The following ABHD2 variants were observed in gnomAD, a reference collection of about 807,000 sequenced individuals.
ABHD2 encodes monoacylglycerol lipase ABHD2.
Under a neutral mutation model 48.1 loss-of-function variants are expected in ABHD2, and 20 were observed. The observed-to-expected ratio is 0.42, with a 90% CI of 0.29 to 0.60. The LOEUF is 0.60. ABHD2 is among the 20% of genes least tolerant of loss of function. The pLI, the probability that ABHD2 is intolerant of heterozygous loss-of-function variation, is 0.24. For synonymous variants in ABHD2, 209 were observed against 214.2 expected (o/e 0.98, Z 0.21); for missense variants, 405 against 550.9 (o/e 0.74, Z 2.65).
intron 4 of ABHD2, among the ~76,000 whole-genome samples, chr15:89,154,493 T>C (rs953891844): frequency 6.8e-5 from 10 of 148,050 alleles, no homozygotes; most frequent in African/African-American, 2.4e-4. Context: ...AGTGAAAGTA[T>C]CTCTCTCTCT....
the ABHD2 span, among the ~76,000 whole-genome samples, chr15:89,066,828 T>C: frequency 6.6e-6 from 1 of 152,140 alleles, no homozygotes; most frequent in Non-Finnish European, 1.5e-5. Flanking sequence ...CAGTTCCCTT[T>C]GGTGTCTGCA....
Position 89,131,136 on chromosome 15 carries a change from T to C in ABHD2, c.194+14615T>C, listed in dbSNP as rs78370683. On this transcript the variant is annotated intron_variant, in intron 3 of 10. Coordinates refer to ENST00000352732, the MANE Select transcript of ABHD2 (RefSeq NM_152924.5). ...CCAAATTATCTTCCTAAAGCACAAA[T>C]TCATCATGCCATGCCCCTGCTTTAA... is the stretch of plus-strand genomic sequence containing the variant. 2.0e-3 allele frequency among the ~76,000 whole-genome samples: 303 copies of C among 152,300 alleles called. 2 individuals are homozygous for C. Among genetic ancestry groups the C allele is most frequent in the East Asian group, 0.015 (77 of 5,180 alleles).
chr15:89,178,514 C>G (rs1377897326), intron 6 of ABHD2, among the ~76,000 whole-genome samples: 1 of 152,158 alleles, frequency 6.6e-6, no homozygotes, highest in Non-Finnish European at 1.5e-5. Context: ...AGACCCGCTT[C>G]CTCAGTGAAC....
At chr15:89,109,222 C>A (rs2049835311) in intron 1 of ABHD2, among the ~76,000 whole-genome samples, 1 of 152,196 alleles carries the variant, frequency 6.6e-6, no homozygotes, top group South Asian at 2.1e-4. Context: ...GGTGGAAATA[C>A]CAGTCAAGCT....
At chr15:89,163,133 T>C (rs2050787548) in intron 5 of ABHD2, among the ~76,000 whole-genome samples, 1 of 152,228 alleles carries the variant, frequency 6.6e-6, no homozygotes, top group Non-Finnish European at 1.5e-5. Context: ...AGAAGAAAAC[T>C]AAAGAGGGCA....
In ABHD2 at chr15:89,160,201, A is replaced by G. The variant is rs116309642; in HGVS notation, c.538+4667A>G. On this transcript the variant is annotated intron_variant, in intron 5 of 10. Coordinates refer to ENST00000352732, the MANE Select transcript of ABHD2 (RefSeq NM_152924.5). ...TTCACCAAAGGTGGCCTAACACGTT[A>G]GAGCAAAGCCCGTGTTTGTTACTTT... 4.3e-3 allele frequency among the ~76,000 whole-genome samples: 662 copies of G among 152,364 alleles called. 5 individuals carry two copies. The highest frequency in any genetic ancestry group is 0.015 in the African/African-American group (624 of 41,588).
chr15:89,086,334 T>A (rs1348840638), upstream of ABHD2, among the ~76,000 whole-genome samples: 2 of 152,214 alleles, frequency 1.3e-5, no homozygotes, highest in Non-Finnish European at 2.9e-5. Flanking sequence ...GCCTATTTTT[T>A]AAATTATTAT....
intron 3 of ABHD2, among the ~76,000 whole-genome samples, chr15:89,145,866 G>A (rs778627785): frequency 2.6e-4 from 39 of 152,214 alleles, no homozygotes; most frequent in Middle Eastern, 3.4e-3. Flanking sequence ...CTCATTTCAC[G>A]CCTGGTTCTC....
rs567104029 is a variant in ABHD2, at chr15:89,118,986, T to C, written c.194+2465T>C. ...CCCAGCCCCATCTCCTTGGACCTCG[T>C]GGCTGTGTTTAGAAAATTAGCATCA... On this transcript the variant is annotated intron_variant, in intron 3 of 10. Coordinates refer to ENST00000352732, the MANE Select transcript of ABHD2 (RefSeq NM_152924.5). Among the ~76,000 whole-genome samples the C allele has an allele frequency of 1.7e-3, 258 of 152,280 alleles. 14 individuals carry two copies. In the South Asian group the frequency reaches 0.052, roughly 31 times the overall value.
At chr15:89,181,048 A>G (rs2051102562) in intron 6 of ABHD2, among the ~76,000 whole-genome samples, 1 of 152,038 alleles carries the variant, frequency 6.6e-6, no homozygotes, top group South Asian at 2.1e-4. Context: ...CAACATGGTG[A>G]AACACCACCT....
the ABHD2 span, among the ~76,000 whole-genome samples, chr15:89,048,908 A>ATTCTCCGGCCAGC: frequency 1.6e-5 from 2 of 122,356 alleles, no homozygotes; most frequent in African/African-American, 6.9e-5. Flanking sequence ...CGTCAAAGTC[A>ATTCTCCGGCCAGC]TTTGTTCCGT....
the ABHD2 span, among the ~76,000 whole-genome samples, chr15:89,049,013 G>T: frequency 1.3e-5 from 2 of 152,056 alleles, no homozygotes; most frequent in African/African-American, 4.8e-5. Context: ...CATCTTTGTG[G>T]TTTTATCTAC....
Position 89,200,853 on chromosome 15 carries a change from G to A in ABHD2, c.*5430G>A, listed in dbSNP as rs1399000745. On this transcript the variant is annotated 3_prime_UTR_variant, in exon 11 of 11. Coordinates refer to ENST00000352732, the MANE Select transcript of ABHD2 (RefSeq NM_152924.5). ...ATCCCAGCACTTTGGAGGCCGAGGC[G>A]GGTAGATCACCTGAGGTTAGGAGTT... 6.2e-5 allele frequency: 20 copies of A among 324,010 alleles called. No individual in the cohort carries two copies. The highest frequency in any genetic ancestry group is 2.9e-4 in the East Asian group (4 of 13,656). The allele number at this position is 324,010 out of a possible 1,614,324, so 20.1% of individuals were successfully genotyped here.
At position 89,116,685 on chromosome 15, in the gene ABHD2, C is replaced by T. The variant is rs2049966704; in HGVS notation, c.194+164C>T. ...TCTGATTGCAGTCTAGTGTTTGAAT[C>T]CTGGAGGGTAGGAGAGAATCAGATC... On this transcript the variant is annotated intron_variant, in intron 3 of 10. Transcript: ENST00000352732. The surrounding 1 kb of genome is among the most constrained non-coding windows in gnomAD (Gnocchi z 4.6). 6.6e-6 allele frequency among the ~76,000 whole-genome samples: 1 copy of T among 152,192 alleles called. No homozygotes were observed. The highest frequency in any genetic ancestry group is 1.5e-5 in the Non-Finnish European group (1 of 68,032).
At chr15:89,193,132 C>A in intron 9 of ABHD2, 103 bp from the exon 10 acceptor site, 1 of 1,091,656 alleles carries the variant, frequency 9.2e-7, no homozygotes, top group Admixed American at 1.9e-5. Context: ...GACCCTCTTC[C>A]CTTTGCTTCA....
At chr15:89,121,313 C>T (rs989522931) in intron 3 of ABHD2, among the ~76,000 whole-genome samples, 6 of 152,124 alleles carry the variant, frequency 3.9e-5, no homozygotes, top group African/African-American at 7.2e-5. Context: ...TGTTAGCAAA[C>T]ATCAGAGTGG....
intron 3 of ABHD2, among the ~76,000 whole-genome samples, chr15:89,147,263 G>C (rs933962040): frequency 6.6e-6 from 1 of 151,508 alleles, no homozygotes; most frequent in Admixed American, 6.6e-5. Context: ...AAAGTAAGTG[G>C]ATTTAAGGTT....
rs748746382 is a variant in ABHD2, at chr15:89,175,209, CATTT to C, written c.539-589_539-586del. Reference sequence around the variant, plus strand: ...CTAATCTCAAAGGATTTTGCTCTTGCATTTATTTATTTATTTACTTATTTTATTT... The same window carrying C: ...CTAATCTCAAAGGATTTTGCTCTTGCATTTATTTATTTACTTATTTTATTT... On this transcript the variant is annotated intron_variant, in intron 5 of 10. Transcript: ENST00000352732. This position sits in a 1 kb window ranked among gnomAD's most constrained non-coding sequence, Gnocchi z 5.7. Among the ~76,000 whole-genome samples, 2 of 152,120 alleles carry C rather than the reference CATTT, an allele frequency of 1.3e-5. No homozygotes were observed. Among genetic ancestry groups the C allele is most frequent in the Non-Finnish European group, 2.9e-5 (2 of 68,010 alleles).
At chr15:89,160,459 G>A (rs1390003087) in intron 5 of ABHD2, among the ~76,000 whole-genome samples, 1 of 150,644 alleles carries the variant, frequency 6.6e-6, no homozygotes, top group Non-Finnish European at 1.5e-5. Context: ...CTGACTCATG[G>A]CTATTTCAGA....
Sources: gnomAD v4.1 joint callset for allele counts (sites outside exome capture counted in the v4.1 genomes callset) on GRCh38, gnomAD v4.1.1 for gene constraint, Gnocchi (gnomAD v3.1) non-coding constraint, MANE v1.5 for transcripts, NCBI Gene and HGNC (gene_info 2026-07-23, HGNC 2026-07-21) for gene names.